The following CDYL variants were observed in gnomAD, a reference collection of about 807,000 sequenced individuals.
CDYL encodes chromodomain Y like.
In CDYL, 8 loss-of-function variants were observed where a neutral mutation model predicts 47.3. The ratio of observed to expected loss-of-function variants is 0.17; its 90% CI spans 0.10 to 0.31. The LOEUF is 0.31. Ranked by LOEUF, CDYL falls within the 10% of genes least tolerant of loss-of-function variation. CDYL has a pLI of 1.00. For missense variants in CDYL, 471 were observed against 701.4 expected (o/e 0.67, Z 3.71); for synonymous variants, 266 against 265.0 (o/e 1.00, Z -0.04).
At chr6:4,709,006 T>TA (rs1358945909) in intron 1 of CDYL, among the ~76,000 whole-genome samples, 1 of 151,714 alleles carries the variant, frequency 6.6e-6, no homozygotes, top group Admixed American at 6.6e-5. Flanking sequence ...GACCCTGTCT[T>TA]AAAAAAAATA....
intron 2 of CDYL, among the ~76,000 whole-genome samples, chr6:4,902,017 G>A (rs929732362): frequency 5.3e-5 from 8 of 152,192 alleles, no homozygotes; most frequent in African/African-American, 1.4e-4. Flanking sequence ...GTTTCAAGGG[G>A]TGAGGTCAAC....
chr6:4,914,402 A>C (rs955601822), intron 2 of CDYL, among the ~76,000 whole-genome samples: 4 of 152,134 alleles, frequency 2.6e-5, no homozygotes, highest in African/African-American at 9.7e-5. Context: ...GCGAACTGCT[A>C]CGCTGTCGTG....
At chr6:4,922,241 G>A (rs879816119) in intron 2 of CDYL, among the ~76,000 whole-genome samples, 5 of 152,160 alleles carry the variant, frequency 3.3e-5, no homozygotes, top group Admixed American at 1.3e-4. Flanking sequence ...GCTGGTTGCC[G>A]ACCCGTTGCC....
In CDYL at chr6:4,948,009, C is replaced by T. The variant is rs542928836; in HGVS notation, c.1332+4253C>T. Among the ~76,000 whole-genome samples, 10 of 152,240 alleles carry T rather than the reference C, an allele frequency of 6.6e-5. No individual in the cohort carries two copies. In the South Asian group the frequency reaches 1.0e-3, roughly 16 times the overall value. On this transcript the variant is annotated intron_variant, in intron 5 of 6. Coordinates refer to ENST00000397588, the MANE Select transcript of CDYL (RefSeq NM_004824.4). ...GCTTTGTCCTTTACACCGTACTGCA[C>T]GCACCTGACACCACCAGACTCCCAT...
chr6:4,881,872 A>G (rs943411504), intron 1 of CDYL, among the ~76,000 whole-genome samples: 13 of 152,172 alleles, frequency 8.5e-5, no homozygotes, highest in African/African-American at 3.1e-4. Flanking sequence ...GGTCTTCTGC[A>G]TTTCTGCACC....
At chr6:4,785,425 G>C (rs185360621) in intron 1 of CDYL, among the ~76,000 whole-genome samples, 1 of 152,252 alleles carries the variant, frequency 6.6e-6, no homozygotes, top group East Asian at 1.9e-4. Context: ...AGTTTTCTTT[G>C]TTGGTAGCTT....
At chr6:4,854,864 A>G (rs1760959513) in intron 1 of CDYL, among the ~76,000 whole-genome samples, 1 of 152,224 alleles carries the variant, frequency 6.6e-6, no homozygotes, top group Non-Finnish European at 1.5e-5. Context: ...AGAAGTGTAA[A>G]GAGTTAGGTA....
intron 2 of CDYL, among the ~76,000 whole-genome samples, chr6:4,725,583 C>T (rs1039538222): frequency 1.3e-5 from 2 of 152,234 alleles, no homozygotes; most frequent in African/African-American, 4.8e-5. Context: ...TGGACCTGCA[C>T]CTCCGGGGCT....
intron 1 of CDYL, among the ~76,000 whole-genome samples, chr6:4,847,850 G>A (rs1473161854): frequency 6.6e-6 from 1 of 152,182 alleles, no homozygotes; most frequent in Non-Finnish European, 1.5e-5. Flanking sequence ...GGTGCTGGAA[G>A]CCTCCTGCAC....
At chr6:4,827,544 A>G (rs1760013318) in intron 1 of CDYL, among the ~76,000 whole-genome samples, 1 of 152,274 alleles carries the variant, frequency 6.6e-6, no homozygotes, top group Non-Finnish European at 1.5e-5. Flanking sequence ...TCAATAGCAT[A>G]CAAATGTCTG....
At chr6:4,724,094 G>T (rs115802576) in intron 2 of CDYL, among the ~76,000 whole-genome samples, 2 of 152,188 alleles carry the variant, frequency 1.3e-5, no homozygotes, top group South Asian at 4.1e-4. Flanking sequence ...GCTCTGGAGT[G>T]CAGGGGCATG....
intron 1 of CDYL, among the ~76,000 whole-genome samples, chr6:4,844,400 C>T (rs907039166): frequency 1.3e-5 from 2 of 152,078 alleles, no homozygotes; most frequent in Non-Finnish European, 2.9e-5. Context: ...TTCAGCTGTC[C>T]CCTGGGGCCT....
chr6:4,843,899 C>G (rs76299138), intron 1 of CDYL, among the ~76,000 whole-genome samples: 2,034 of 152,148 alleles, frequency 0.013, 49 homozygotes, highest in African/African-American at 0.046. Flanking sequence ...GTTAAAGAAC[C>G]TTGTTTTGTT....
chr6:4,934,208 C>A (rs1013957563), intron 2 of CDYL, among the ~76,000 whole-genome samples: 1 of 152,114 alleles, frequency 6.6e-6, no homozygotes, highest in Non-Finnish European at 1.5e-5. Flanking sequence ...GCCCAAGTGG[C>A]TAAGAGGGCA....
rs1256432790 is a variant in CDYL at position 4,781,061 on chromosome 6, T to G, written c.24+4254T>G. On this transcript the variant is annotated intron_variant, in intron 1 of 6. Coordinates refer to ENST00000397588, the MANE Select transcript of CDYL (RefSeq NM_004824.4). ...TCAAATTTCAGTAAGCTCTCAATGA[T>G]TAGTCTTGACCTTCTGAGAGAATAT... Among the ~76,000 whole-genome samples, 3 of 151,618 alleles carry G rather than the reference T, an allele frequency of 2.0e-5. 1 individual carries two copies. Among genetic ancestry groups the G allele is most frequent in the African/African-American group, 2.4e-5 (1 of 40,842 alleles).
intron 3 of CDYL, among the ~76,000 whole-genome samples, chr6:4,752,727 G>A (rs1309512599): frequency 1.3e-5 from 2 of 152,046 alleles, no homozygotes; most frequent in South Asian, 2.1e-4. Flanking sequence ...GTAATTGTCT[G>A]TGAAATGAGG....
At position 4,953,978 on chromosome 6, in the gene CDYL, G is replaced by A; in HGVS notation, c.1557G>A (p.Val519=). The change falls in exon 7 of 7, where the codon GTG becomes GTA. Residue 519 remains valine (V), a synonymous_variant. Transcript: ENST00000397588. The part of the protein sequence containing the change: ...LEQANERECE[V]LKKIWGSAQG... ...AGGCCAACGAGAGGGAGTGTGAGGTGCTGAAGAAAATCTGGGGCTCGGCCC... is the reference window on the plus strand; with the variant it reads ...AGGCCAACGAGAGGGAGTGTGAGGTACTGAAGAAAATCTGGGGCTCGGCCC... The A allele has an allele frequency of 6.2e-7, 1 of 1,614,182 alleles. No individual in the cohort carries two copies. Among genetic ancestry groups the A allele is most frequent in the East Asian group, 2.2e-5 (1 of 44,888 alleles).
At chr6:4,808,381 TC>T (rs1335805549) in intron 1 of CDYL, among the ~76,000 whole-genome samples, 2 of 152,236 alleles carry the variant, frequency 1.3e-5, no homozygotes, top group Non-Finnish European at 2.9e-5. Context: ...CTTCTTCTTT[TC>T]CTTAATTGTT....
intron 2 of CDYL, chr6:4,734,668 A>T (rs1757670359): frequency 2.0e-6 from 3 of 1,530,546 alleles, no homozygotes; most frequent in East Asian, 2.3e-5. Context: ...GGGCACAGGG[A>T]TGGGAAGTTG....
Sources: allele counts gnomAD v4.1 joint callset (sites outside exome capture counted in the v4.1 genomes callset), GRCh38; gene constraint gnomAD v4.1.1; transcripts MANE v1.5; gene names NCBI Gene and HGNC (gene_info 2026-07-23, HGNC 2026-07-21).